MDN1: variants seen among roughly 807,000 people sequenced by gnomAD.
MDN1 encodes the protein midasin.
MDN1 carries 266 observed loss-of-function variants against 669.2 expected under a neutral mutation model. That is an observed-to-expected ratio of 0.40 (90% confidence interval 0.36 to 0.44). MDN1 has a LOEUF of 0.44. Ranked by LOEUF, MDN1 falls within the 20% of genes least tolerant of loss-of-function variation. The pLI, the probability that MDN1 is intolerant of heterozygous loss-of-function variation, is 1.00. For missense variants in MDN1, 5,940 were observed against 6,754.0 expected (o/e 0.88, Z 4.22); for synonymous variants, 2,385 against 2,457.1 (o/e 0.97, Z 0.87).
chr6:89,798,210 A>G (rs981812583), intron 2 of MDN1, among the ~76,000 whole-genome samples: 1 of 145,730 alleles, frequency 6.9e-6, no homozygotes, highest in African/African-American at 2.5e-5. Context: ...AAAGAAAGAA[A>G]GTCAAGTTAA....
At chr6:89,687,124 A>C in intron 68 of MDN1, 101 bp from the exon 69 acceptor site, 2 of 1,503,886 alleles carry the variant, frequency 1.3e-6, no homozygotes, top group Non-Finnish European at 1.8e-6. Context: ...CTCCTCCCAA[A>C]TGGAGATGGA....
At position 89,708,568 on chromosome 6, in the gene MDN1, T is replaced by C; in HGVS notation, c.7826A>G (p.Asn2609Ser). 6.2e-7 allele frequency: 1 copy of C among 1,614,054 alleles called. No homozygotes were observed. Among genetic ancestry groups the C allele is most frequent in the South Asian group, 1.1e-5 (1 of 91,086 alleles). Residue 2609 changes from asparagine to serine, a missense_variant, in exon 51 of 102, where the codon AAT (asparagine) becomes AGT (serine). This residue lies in a region of MDN1 where 2,292 missense variants were observed against 2,638.3 expected (regional missense o/e 0.87). Coordinates refer to ENST00000369393, the MANE Select transcript of MDN1 (RefSeq NM_014611.3). Reference sequence around the variant, plus strand: ...CGTTTGTGGGTCAAAGTCCATCAAATTTCTAATCATGTCCAGAGCCTGCAT... The same window carrying C: ...CGTTTGTGGGTCAAAGTCCATCAAACTTCTAATCATGTCCAGAGCCTGCAT... Reference protein sequence around the residue: ...WNMQALDMIRNLMDFDPQTDQ... With the variant: ...WNMQALDMIRSLMDFDPQTDQ...
rs183309067 is a variant in MDN1 at position 89,650,786 on chromosome 6, C to A, written c.15977G>T (p.Arg5326Leu). 2 of 1,613,966 alleles carry A rather than the reference C, an allele frequency of 1.2e-6. No individual in the cohort carries two copies. Among genetic ancestry groups the A allele is most frequent in the African/African-American group, 2.7e-5 (2 of 74,904 alleles). ...TATGAGACGAAGCTCTTCACATAAC[C>A]GTTGTGAAAGAGGCGCTGTTAAGAT... ...YLILTAPLSQ[R>L]LCEELRLILE... The change falls in exon 96 of 102, where the codon CGG becomes CTG. Residue 5326 changes from arginine to leucine, a missense_variant. Coordinates refer to ENST00000369393, the MANE Select transcript of MDN1 (RefSeq NM_014611.3).
Position 89,662,348 on chromosome 6 carries a change from T to C in MDN1, c.14413-109A>G, listed in dbSNP as rs1478861661. ...ATTTCTGCCTATTGGACCTATCCCA[T>C]GGATGGCTGATAAAGTGCCATCCGT... On this transcript the variant is annotated intron_variant, in intron 86 of 101. Coordinates refer to ENST00000369393, the MANE Select transcript of MDN1 (RefSeq NM_014611.3). The C allele has an allele frequency of 6.2e-6, 7 of 1,133,122 alleles. No homozygotes were observed. The African/African-American group carries it at 1.1e-4, about 18-fold the overall frequency. The allele number at this position is 1,133,122 out of a possible 1,614,324, so 70.2% of individuals were successfully genotyped here. A position where few individuals can be genotyped will look rare whatever the true frequency, so the allele number is the denominator to read the frequency against.
In MDN1 at chr6:89,703,372, G is replaced by GGA. The variant is rs560342773; in HGVS notation, c.8149-1312_8149-1311insTC. Among the ~76,000 whole-genome samples the GGA allele has an allele frequency of 2.8e-3, 414 of 148,148 alleles. 2 individuals are homozygous for GGA. Among genetic ancestry groups the GGA allele is most frequent in the African/African-American group, 9.7e-3 (397 of 40,786 alleles). On this transcript the variant is annotated intron_variant, in intron 53 of 101. Transcript: ENST00000369393. ...AATAACTGACCATGTATGGGGAAGG[G>GGA]GGGGGGGTCTATCTGTGAATCCTCT... is the stretch of plus-strand genomic sequence containing the variant.
At chr6:89,769,949 T>C (rs921167742) in intron 15 of MDN1, among the ~76,000 whole-genome samples, 3 of 152,142 alleles carry the variant, frequency 2.0e-5, no homozygotes, top group East Asian at 1.9e-4. Context: ...TAGAGAGAAA[T>C]AGACCAGGCC....
At chr6:89,697,576 A>G (rs1251211510) in intron 59 of MDN1, among the ~76,000 whole-genome samples, 1 of 151,998 alleles carries the variant, frequency 6.6e-6, no homozygotes, top group Non-Finnish European at 1.5e-5. Flanking sequence ...CTGACGCTGA[A>G]CAACCCTATT....
Position 89,653,077 on chromosome 6 carries a change from T to A in MDN1, c.15740A>T (p.Lys5247Met). The A allele has an allele frequency of 6.2e-7, 1 of 1,614,204 alleles. No homozygotes were observed. The highest frequency in any genetic ancestry group is 8.5e-7 in the Non-Finnish European group (1 of 1,180,028). Residue 5247 changes from lysine (K) to methionine (M), a missense_variant, in exon 94 of 102, where the codon AAG becomes ATG. By Grantham distance (95) the Lys-to-Met change is moderately conservative. Around this residue, in one of 5 missense-constraint regions of MDN1, gnomAD observed 2,280 missense variants for 2,576.3 expected, o/e 0.88. Coordinates refer to ENST00000369393, the MANE Select transcript of MDN1 (RefSeq NM_014611.3). The stretch of plus-strand genomic sequence containing the variant: ...TTCTGGTTTCTCATTTTCTGTCTCC[T>A]TATGGGCTTTGTCTGTTCTGGGGTC... ...DQDPRTDKAHKETENEKPERS... is the reference protein window; with the variant it reads ...DQDPRTDKAHMETENEKPERS...
At chr6:89,656,014 A>C (rs755393438) in intron 91 of MDN1, 46 bp from the exon 92 acceptor site, 2 of 1,536,518 alleles carry the variant, frequency 1.3e-6, no homozygotes, top group South Asian at 2.3e-5. Context: ...TGTCATGACA[A>C]AAGGACTCAA....
chr6:89,733,592 G>T (rs1162837890), intron 33 of MDN1, among the ~76,000 whole-genome samples: 1 of 149,936 alleles, frequency 6.7e-6, no homozygotes, highest in Non-Finnish European at 1.5e-5. Flanking sequence ...TATAGATTGT[G>T]ATTTAGAAGA....
intron 12 of MDN1, 27 bp downstream of exon 12, chr6:89,776,573 A>G: frequency 6.4e-7 from 1 of 1,552,254 alleles, no homozygotes; most frequent in Non-Finnish European, 8.9e-7. Flanking sequence ...TCCTTTCAAC[A>G]GGGAAGTAAA....
intron 15 of MDN1, among the ~76,000 whole-genome samples, chr6:89,769,990 G>A (rs568868351): frequency 6.6e-6 from 1 of 152,174 alleles, no homozygotes; most frequent in African/African-American, 2.4e-5. Flanking sequence ...CCCAGCTACT[G>A]GGTAGGCCGA....
chr6:89,650,354 T>C (rs1014333145), intron 96 of MDN1, among the ~76,000 whole-genome samples, 156 bp from the exon 97 acceptor site: 11 of 152,210 alleles, frequency 7.2e-5, no homozygotes, highest in Non-Finnish European at 1.2e-4. Context: ...ACTAAGGATC[T>C]TCTTGACCTC....
intron 19 of MDN1, among the ~76,000 whole-genome samples, chr6:89,757,091 C>T (rs983669419): frequency 2.0e-5 from 3 of 152,070 alleles, no homozygotes; most frequent in African/African-American, 4.8e-5. Context: ...TCTAAAGCTT[C>T]CCTAACAAGC....
At chr6:89,772,936 G>C (rs1182513799) in intron 13 of MDN1, among the ~76,000 whole-genome samples, 5 of 152,146 alleles carry the variant, frequency 3.3e-5, no homozygotes, top group Non-Finnish European at 7.3e-5. Context: ...TACGATGCTA[G>C]GCTCTGGAGA....
chr6:89,717,824 A>T (rs1814502837), intron 43 of MDN1, among the ~76,000 whole-genome samples: 1 of 152,210 alleles, frequency 6.6e-6, no homozygotes, highest in Non-Finnish European at 1.5e-5. Context: ...AGGCTTTGGA[A>T]ATAAAGAATG....
At chr6:89,694,230 A>G (rs1197046823) in intron 61 of MDN1, 47 bp from the exon 62 acceptor site, 1 of 1,491,334 alleles carries the variant, frequency 6.7e-7, no homozygotes. Flanking sequence ...AGCTATGACC[A>G]TGCACATGAG....
intron 43 of MDN1, 95 bp from the exon 44 acceptor site, chr6:89,716,904 GT>G: frequency 1.5e-6 from 2 of 1,300,558 alleles, no homozygotes; most frequent in Non-Finnish European, 1.0e-6. Context: ...TCTAGCCAAG[GT>G]TTTTAAGATT....
At chr6:89,747,196 TG>T in intron 27 of MDN1, 132 bp downstream of exon 27, 1 of 1,012,590 alleles carries the variant, frequency 9.9e-7, no homozygotes, top group Non-Finnish European at 1.4e-6. Flanking sequence ...CTGTTAGAAC[TG>T]GAGGGAAACA....
Sources: gnomAD v4.1 joint callset for allele counts (sites outside exome capture counted in the v4.1 genomes callset) on GRCh38, gnomAD v4.1.1 for gene constraint, gnomAD v4.1.1 regional missense constraint, MANE v1.5 for transcripts, NCBI Gene and HGNC (gene_info 2026-07-23, HGNC 2026-07-21) for gene names.